The following LHPP variants were observed in gnomAD, a reference collection of about 807,000 sequenced individuals.
LHPP encodes the protein phospholysine phosphohistidine inorganic pyrophosphate phosphatase, also known as hLHPP.
A neutral mutation model predicts 30.3 loss-of-function variants in LHPP; 24 were observed. That is an observed-to-expected ratio of 0.79 (90% CI 0.57 to 1.11). The LOEUF (loss-of-function observed/expected upper bound fraction) is 1.11, where lower values mean the gene tolerates loss of function less well. Ranked by LOEUF, LHPP falls within the 50% of genes most tolerant of loss-of-function variation. LHPP has a pLI of 0.00. For synonymous variants in LHPP, 150 were observed against 157.1 expected (o/e 0.95, Z 0.34); for missense variants, 356 against 367.2 (o/e 0.97, Z 0.25).
intron 6 of LHPP, among the ~76,000 whole-genome samples, chr10:124,519,136 C>T (rs370420403): frequency 9.3e-4 from 141 of 152,154 alleles, no homozygotes; most frequent in Non-Finnish European, 1.5e-3. Flanking sequence ...TTAGTGGAGA[C>T]GGGGTTTCAC....
At chr10:124,604,052 G>C (rs1191244711) in intron 6 of LHPP, among the ~76,000 whole-genome samples, 4 of 152,228 alleles carry the variant, frequency 2.6e-5, no homozygotes, top group Non-Finnish European at 5.9e-5. Context: ...GAGAAGAGGG[G>C]CTTGGGAGGC....
At chr10:124,591,191 C>T (rs1004532817) in intron 6 of LHPP, among the ~76,000 whole-genome samples, 3 of 152,174 alleles carry the variant, frequency 2.0e-5, no homozygotes, top group African/African-American at 7.2e-5. Context: ...TGTACCTGAT[C>T]AGTGGCATGT....
chr10:124,577,009 G>C (rs796535114), intron 6 of LHPP, among the ~76,000 whole-genome samples: 10 of 152,284 alleles, frequency 6.6e-5, no homozygotes, highest in African/African-American at 2.4e-4. Flanking sequence ...TGCATTTTGA[G>C]GATAAGGAAA....
intron 6 of LHPP, chr10:124,605,213 A>C (rs1014002902): frequency 5.3e-5 from 8 of 152,282 alleles, no homozygotes; most frequent in Non-Finnish European, 1.2e-4. Flanking sequence ...CGGCTGACAG[A>C]GCATGAGGGG....
At chr10:124,555,616 C>T (rs906102791) in intron 6 of LHPP, among the ~76,000 whole-genome samples, 1 of 152,188 alleles carries the variant, frequency 6.6e-6, no homozygotes, top group Non-Finnish European at 1.5e-5. Flanking sequence ...TTATTGGAGT[C>T]CCTCCTTTCT....
At chr10:124,577,575 C>T (rs894297416) in intron 6 of LHPP, among the ~76,000 whole-genome samples, 5 of 135,338 alleles carry the variant, frequency 3.7e-5, no homozygotes, top group Non-Finnish European at 5.0e-5. Flanking sequence ...GAGGCCTGGC[C>T]CTGCCTTCCT....
rs768030855 is a variant in LHPP at position 124,592,842 on chromosome 10, C to T, written c.717-20422C>T. Among the ~76,000 whole-genome samples, 59 of 152,242 alleles carry T rather than the reference C, an allele frequency of 3.9e-4. 1 individual carries two copies. The highest frequency in any genetic ancestry group is 1.2e-4 in the Non-Finnish European group (8 of 68,042). On this transcript the variant is annotated intron_variant, in intron 6 of 6. Coordinates refer to ENST00000368842, the MANE Select transcript of LHPP (RefSeq NM_022126.4). The surrounding 1 kb of genome is among the most constrained non-coding windows in gnomAD (Gnocchi z 6.2). ...TTCCGTCTAGGAATCGTCCAGGGCG[C>T]GGCAGCCCGCCAGGAGCCCGGGCAG... is the stretch of plus-strand genomic sequence containing the variant.
intron 6 of LHPP, among the ~76,000 whole-genome samples, chr10:124,569,615 T>C (rs1235937894): frequency 6.6e-6 from 1 of 152,204 alleles, no homozygotes; most frequent in Non-Finnish European, 1.5e-5. Context: ...GCCGAGTGGC[T>C]TACTGCACTC....
rs764975004 is a variant in LHPP, at chr10:124,499,271, C to T, written c.624+1143C>T. 2.0e-4 allele frequency among the ~76,000 whole-genome samples: 30 copies of T among 151,520 alleles called. 1 individual carries two copies. Among genetic ancestry groups the T allele is most frequent in the Admixed American group, 5.2e-4 (8 of 15,264 alleles). On this transcript the variant is annotated intron_variant, in intron 5 of 6. Transcript: ENST00000368842. ...CCTAGCTCAAGCCGTCCTCCTGCCT[C>T]GGCCTCCCAAAGTGCTGGGATTACA... is the stretch of plus-strand genomic sequence containing the variant.
At chr10:124,462,203 G>T (rs1952424251) in intron 1 of LHPP, among the ~76,000 whole-genome samples, 1 of 152,212 alleles carries the variant, frequency 6.6e-6, no homozygotes, top group African/African-American at 2.4e-5. Context: ...AGGGCTGCGC[G>T]GTCAGACAGG....
chr10:124,600,141 C>G (rs1018795685), intron 6 of LHPP, among the ~76,000 whole-genome samples: 1 of 152,166 alleles, frequency 6.6e-6, no homozygotes, highest in Non-Finnish European at 1.5e-5. Flanking sequence ...AGCTCCAAGG[C>G]CCCCCTGTGG....
intron 6 of LHPP, among the ~76,000 whole-genome samples, chr10:124,601,375 C>T (rs143093854): frequency 6.6e-6 from 1 of 152,312 alleles, no homozygotes; most frequent in Non-Finnish European, 1.5e-5. Context: ...TTGAAAAGTT[C>T]TATGTGCGCT....
At chr10:124,464,960 G>A (rs576025270) in intron 1 of LHPP, among the ~76,000 whole-genome samples, 1 of 152,204 alleles carries the variant, frequency 6.6e-6, no homozygotes, top group Non-Finnish European at 1.5e-5. Flanking sequence ...ATTAGGGTCT[G>A]ATGTGTGGAG....
chr10:124,506,821 G>C lies in LHPP; in HGVS notation c.624+8693G>C, dbSNP rs192425366. ...GGGGGGTAGGGAGGATTTCAGGTGGGGGGGTAGGGAGGATTTCAGGTAGGG... is the reference window on the plus strand; with the variant it reads ...GGGGGGTAGGGAGGATTTCAGGTGGCGGGGTAGGGAGGATTTCAGGTAGGG... On this transcript the variant is annotated intron_variant, in intron 5 of 6. Transcript: ENST00000368842. Among the ~76,000 whole-genome samples, 14 of 39,544 alleles carry C rather than the reference G, an allele frequency of 3.5e-4. 3 individuals carry two copies. Among genetic ancestry groups the C allele is most frequent in the African/African-American group, 1.4e-3 (14 of 10,352 alleles). 25.9% of individuals were successfully genotyped at this position (39,544 alleles called of 152,430 possible).
chr10:124,506,701 G>T (rs547399674), intron 5 of LHPP, among the ~76,000 whole-genome samples: 3 of 86,226 alleles, frequency 3.5e-5, no homozygotes, highest in Non-Finnish European at 7.1e-5. Flanking sequence ...AGGTTGGCGG[G>T]TAGGGAAGAT....
At chr10:124,610,645 AGCGGGTGAGGGT>A (rs1409406915) in intron 6 of LHPP, among the ~76,000 whole-genome samples, 1 of 51,768 alleles carries the variant, frequency 1.9e-5, no homozygotes, top group Non-Finnish European at 3.4e-5. Context: ...GTGCTGATGG[AGCGGGTGAGGGT>A]GCGGGTGAGG....
At chr10:124,519,742 C>T (rs549959092) in intron 6 of LHPP, among the ~76,000 whole-genome samples, 50 of 152,208 alleles carry the variant, frequency 3.3e-4, no homozygotes, top group Non-Finnish European at 6.9e-4. Context: ...CCAACTCCAT[C>T]TAGGTTTGCT....
At chr10:124,511,626 T>C (rs1237966781) in intron 5 of LHPP, among the ~76,000 whole-genome samples, 1 of 152,148 alleles carries the variant, frequency 6.6e-6, no homozygotes, top group Non-Finnish European at 1.5e-5. Flanking sequence ...GGCCTCTGCT[T>C]GACTATGATA....
intron 6 of LHPP, among the ~76,000 whole-genome samples, chr10:124,553,665 TAGCC>T: frequency 6.6e-6 from 1 of 152,188 alleles, no homozygotes; most frequent in South Asian, 2.1e-4. Flanking sequence ...TTCACCGTGT[TAGCC>T]AGGATGGTCT....
Sources: gnomAD v4.1 joint callset for allele counts (sites outside exome capture counted in the v4.1 genomes callset) on GRCh38, gnomAD v4.1.1 for gene constraint, Gnocchi (gnomAD v3.1) non-coding constraint, MANE v1.5 for transcripts, NCBI Gene and HGNC (gene_info 2026-07-23, HGNC 2026-07-21) for gene names.